The following DPP10 variants were observed in gnomAD, a reference collection of about 807,000 sequenced individuals.
The protein encoded by DPP10 is dipeptidyl peptidase like 10.
In DPP10, 33 loss-of-function variants were observed where a neutral mutation model predicts 120.9. That is an observed-to-expected ratio of 0.27 (90% CI 0.21 to 0.37). The LOEUF (loss-of-function observed/expected upper bound fraction) is 0.37, where lower values mean the gene tolerates loss of function less well. Among genes scored for constraint, DPP10 ranks in the 10% least tolerant of loss-of-function variants. The probability of loss-of-function intolerance (pLI) is 1.00; values close to 1 mark genes in which losing one functional copy is unlikely to be tolerated. For synonymous variants in DPP10, 337 were observed against 326.1 expected (o/e 1.03, Z -0.36); for missense variants, 816 against 942.8 (o/e 0.87, Z 1.76).
chr2:115,634,462 T>C (rs2086156222), intron 5 of DPP10, among the ~76,000 whole-genome samples: 1 of 152,200 alleles, frequency 6.6e-6, no homozygotes, highest in South Asian at 2.1e-4. Context: ...AGTCAGGCTC[T>C]TCTTTCATAG....
chr2:114,556,777 G>A (rs935141142), intron 1 of DPP10, among the ~76,000 whole-genome samples: 1 of 152,170 alleles, frequency 6.6e-6, no homozygotes, highest in Admixed American at 6.5e-5. Flanking sequence ...GCAAGAAAGA[G>A]TGGATTTTGA....
At chr2:115,482,663 A>G (rs1289511044) in intron 3 of DPP10, among the ~76,000 whole-genome samples, 1 of 151,898 alleles carries the variant, frequency 6.6e-6, no homozygotes, top group Non-Finnish European at 1.5e-5. Context: ...TTTCAGTTAC[A>G]TTCATATTTT....
chr2:114,527,915 G>T (rs796418564), intron 1 of DPP10, among the ~76,000 whole-genome samples: 1 of 152,164 alleles, frequency 6.6e-6, no homozygotes, highest in Non-Finnish European at 1.5e-5. Context: ...AAAACATTGT[G>T]TTATAATCTT....
At chr2:114,949,688 T>C (rs1396952139) in intron 1 of DPP10, among the ~76,000 whole-genome samples, 1 of 152,152 alleles carries the variant, frequency 6.6e-6, no homozygotes, top group Non-Finnish European at 1.5e-5. Flanking sequence ...CTGTCTTGGG[T>C]TGGGTTAGCC....
intron 1 of DPP10, among the ~76,000 whole-genome samples, chr2:115,244,968 A>T (rs557349943): frequency 1.3e-5 from 2 of 151,924 alleles, no homozygotes; most frequent in African/African-American, 2.4e-5. Flanking sequence ...AGTGTACCCA[A>T]TGTATAGCCT....
chr2:114,446,306 T>C (rs1677943166), intron 1 of DPP10, among the ~76,000 whole-genome samples: 2 of 152,354 alleles, frequency 1.3e-5, no homozygotes, highest in Admixed American at 6.5e-5. Context: ...TTTTTTCTTA[T>C]TTCTTTCACA....
chr2:115,832,405 G>A (rs1689022114), intron 21 of DPP10, among the ~76,000 whole-genome samples: 1 of 152,198 alleles, frequency 6.6e-6, no homozygotes, highest in Non-Finnish European at 1.5e-5. Flanking sequence ...TGGGAGGTCT[G>A]CTTAAGCCTG....
At chr2:115,027,538 AT>A (rs1703551198) in intron 1 of DPP10, among the ~76,000 whole-genome samples, 1 of 152,054 alleles carries the variant, frequency 6.6e-6, no homozygotes, top group African/African-American at 2.4e-5. Context: ...GTTTGCTATT[AT>A]TTCATTGAGG....
chr2:115,330,261 T>C (rs2062632855), intron 2 of DPP10, among the ~76,000 whole-genome samples: 4 of 152,122 alleles, frequency 2.6e-5, no homozygotes, highest in Admixed American at 2.0e-4. Context: ...TGTTCATATC[T>C]TTTGCCCACT....
intron 1 of DPP10, among the ~76,000 whole-genome samples, chr2:114,893,201 T>C (rs1692684176): frequency 6.6e-6 from 1 of 152,178 alleles, no homozygotes; most frequent in South Asian, 2.1e-4. Flanking sequence ...GAAACATCAA[T>C]CTTACAGTAC....
At chr2:115,366,746 C>A (rs1231494313) in intron 3 of DPP10, among the ~76,000 whole-genome samples, 1 of 152,064 alleles carries the variant, frequency 6.6e-6, no homozygotes, top group African/African-American at 2.4e-5. Flanking sequence ...AGTTGCCTAG[C>A]TCCCAGCTCA....
intron 2 of DPP10, among the ~76,000 whole-genome samples, chr2:115,334,231 T>G (rs868799336): frequency 3.5e-5 from 3 of 85,594 alleles, no homozygotes; most frequent in African/African-American, 1.5e-4. Flanking sequence ...GCAGACTCTG[T>G]TTTTTTTTTT....
At chr2:115,408,744 G>T (rs1479203709) in intron 3 of DPP10, among the ~76,000 whole-genome samples, 7 of 151,986 alleles carry the variant, frequency 4.6e-5, no homozygotes, top group Admixed American at 4.6e-4. Flanking sequence ...CCTTTTGAGA[G>T]ATATTAAAAA....
At chr2:115,320,639 C>A (rs1048661463) in intron 2 of DPP10, among the ~76,000 whole-genome samples, 1 of 151,970 alleles carries the variant, frequency 6.6e-6, no homozygotes, top group Non-Finnish European at 1.5e-5. Context: ...GTTTTTGTCA[C>A]AAATTACATC....
rs541788391 is a variant in DPP10, at chr2:114,643,408, G to A, written c.60+200570G>A. On this transcript the variant is annotated intron_variant, in intron 1 of 25. Coordinates refer to ENST00000410059, the MANE Select transcript of DPP10 (RefSeq NM_020868.6). ...TAGTTTATCCACCTTGATAATCTAA[G>A]TGTCAAGGACAGAGCAAGTACCATT... is the stretch of plus-strand genomic sequence containing the variant. Among the ~76,000 whole-genome samples the A allele has an allele frequency of 1.1e-3, 166 of 151,998 alleles. 4 individuals are homozygous for A. Among genetic ancestry groups the A allele is most frequent in the African/African-American group, 3.9e-3 (159 of 41,258 alleles).
chr2:114,469,964 G>A (rs559343005), intron 1 of DPP10, among the ~76,000 whole-genome samples: 1 of 152,276 alleles, frequency 6.6e-6, no homozygotes, highest in Admixed American at 6.5e-5. Flanking sequence ...ACAAACCAGG[G>A]TAAAGAAACC....
intron 1 of DPP10, among the ~76,000 whole-genome samples, chr2:114,513,920 T>TC (rs1281404121): frequency 2.0e-5 from 3 of 152,078 alleles, no homozygotes; most frequent in Non-Finnish European, 4.4e-5. Context: ...GCATAATTAT[T>TC]CCCCCCATTT....
At chr2:115,480,531 T>C (rs971385639) in intron 3 of DPP10, among the ~76,000 whole-genome samples, 10 of 152,132 alleles carry the variant, frequency 6.6e-5, no homozygotes, top group African/African-American at 2.4e-4. Flanking sequence ...GGAACAAAAA[T>C]GGTGATTTTC....
intron 1 of DPP10, among the ~76,000 whole-genome samples, chr2:114,934,782 A>T (rs1696332821): frequency 6.6e-6 from 1 of 152,116 alleles, no homozygotes; most frequent in Non-Finnish European, 1.5e-5. Flanking sequence ...TAGGAACCAC[A>T]GGGTTGAGGG....
Sources: allele counts gnomAD v4.1 joint callset (sites outside exome capture counted in the v4.1 genomes callset), GRCh38; gene constraint gnomAD v4.1.1; transcripts MANE v1.5; gene names NCBI Gene and HGNC (gene_info 2026-07-23, HGNC 2026-07-21).